Variants in GALNTL6 observed in about 807,000 individuals in gnomAD.
GALNTL6 encodes polypeptide N-acetylgalactosaminyltransferase-like 6.
A neutral mutation model predicts 73.7 loss-of-function variants in GALNTL6; 46 were observed. That is an observed-to-expected ratio of 0.62 (90% confidence interval 0.49 to 0.80). The LOEUF (loss-of-function observed/expected upper bound fraction) is 0.80. GALNTL6 is among the 30% of genes least tolerant of loss of function. GALNTL6 has a pLI of 0.00. For synonymous variants in GALNTL6, 259 were observed against 263.7 expected (o/e 0.98, Z 0.17); for missense variants, 604 against 755.0 (o/e 0.80, Z 2.34).
At chr4:172,064,076 A>G (rs185309449) in intron 2 of GALNTL6, among the ~76,000 whole-genome samples, 2 of 152,316 alleles carry the variant, frequency 1.3e-5, no homozygotes, top group African/African-American at 4.8e-5. Context: ...TTTTTGAAAC[A>G]CATATTCCTG....
rs1254590951 is a variant in GALNTL6 at position 172,511,334 on chromosome 4, T to C, written c.553+162645T>C. ...TTGCGCTTATTTGGATCTTCTCTTT[T>C]CTTTCGTTGGTTAATCTCACTAACG... On this transcript the variant is annotated intron_variant, in intron 5 of 12. Transcript: ENST00000506823. 3.6e-5 allele frequency among the ~76,000 whole-genome samples: 2 copies of C among 55,566 alleles called. 1 individual carries two copies. Among genetic ancestry groups the C allele is most frequent in the Non-Finnish European group, 8.3e-5 (2 of 23,990 alleles). 36.5% of individuals were successfully genotyped at this position (55,566 alleles called of 152,430 possible). A position where few individuals can be genotyped will look rare whatever the true frequency, so the allele number is the denominator to read the frequency against.
chr4:172,641,216 T>C (rs905137591), intron 5 of GALNTL6, among the ~76,000 whole-genome samples: 2 of 152,118 alleles, frequency 1.3e-5, no homozygotes, highest in African/African-American at 4.8e-5. Context: ...TCTTGCTTCT[T>C]TGTAGTCCAT....
rs1456078394 is a variant in GALNTL6 at position 172,071,443 on chromosome 4, G to T, written c.139-158213G>T. Reference sequence around the variant, plus strand: ...TCCTGTCAGAACCCCTGTGTCTTACGTTAGCTTGTCTCATGTTCCTTGTAC... The same window carrying T: ...TCCTGTCAGAACCCCTGTGTCTTACTTTAGCTTGTCTCATGTTCCTTGTAC... On this transcript the variant is annotated intron_variant, in intron 2 of 12. Coordinates refer to ENST00000506823, the MANE Select transcript of GALNTL6 (RefSeq NM_001034845.3). Among the ~76,000 whole-genome samples the T allele has an allele frequency of 1.8e-5, 2 of 110,202 alleles. 1 individual carries two copies. The highest frequency in any genetic ancestry group is 6.8e-5 in the African/African-American group (2 of 29,268). 72.3% of individuals were successfully genotyped at this position (110,202 alleles called of 152,430 possible). A position where few individuals can be genotyped will look rare whatever the true frequency, so the allele number is the denominator to read the frequency against.
chr4:172,499,054 C>T (rs1734169250), intron 5 of GALNTL6, among the ~76,000 whole-genome samples: 1 of 152,098 alleles, frequency 6.6e-6, no homozygotes, highest in African/African-American at 2.4e-5. Context: ...TCCACCAAAC[C>T]CGCCCACCTA....
At chr4:171,903,167 G>C (rs569264368) in intron 2 of GALNTL6, among the ~76,000 whole-genome samples, 2 of 152,080 alleles carry the variant, frequency 1.3e-5, no homozygotes, top group Admixed American at 6.5e-5. Context: ...GAACAGCTCC[G>C]GTCTGCAGCT....
chr4:172,300,180 C>G (rs1428294594), intron 3 of GALNTL6, among the ~76,000 whole-genome samples: 1 of 152,096 alleles, frequency 6.6e-6, no homozygotes, highest in African/African-American at 2.4e-5. Flanking sequence ...TTATCAGAGA[C>G]TAGGATTGCA....
At chr4:171,900,583 G>C (rs950003903) in intron 2 of GALNTL6, among the ~76,000 whole-genome samples, 3 of 151,842 alleles carry the variant, frequency 2.0e-5, no homozygotes, top group African/African-American at 7.3e-5. Flanking sequence ...TTCCCAAAGA[G>C]CTGGGATTAC....
At chr4:172,414,262 C>A (rs1464707029) in intron 5 of GALNTL6, among the ~76,000 whole-genome samples, 6 of 152,008 alleles carry the variant, frequency 3.9e-5, no homozygotes, top group Non-Finnish European at 8.8e-5. Flanking sequence ...TTCTCATTTA[C>A]AAAAATAAGG....
At chr4:172,914,262 A>G (rs1024273656) in intron 8 of GALNTL6, among the ~76,000 whole-genome samples, 18 of 152,222 alleles carry the variant, frequency 1.2e-4, no homozygotes, top group Admixed American at 1.2e-3. Flanking sequence ...TAAACATGGA[A>G]AGGAACAACT....
At chr4:172,104,235 G>A (rs1041620953) in intron 2 of GALNTL6, among the ~76,000 whole-genome samples, 22 of 152,298 alleles carry the variant, frequency 1.4e-4, no homozygotes, top group African/African-American at 5.1e-4. Flanking sequence ...GAGCCACCGT[G>A]CCCGGCCTGG....
intron 7 of GALNTL6, among the ~76,000 whole-genome samples, chr4:172,851,322 T>C (rs1162513614): frequency 6.6e-6 from 1 of 152,048 alleles, no homozygotes; most frequent in Non-Finnish European, 1.5e-5. Flanking sequence ...AGCACCCTTA[T>C]GGCTCAGGAA....
At chr4:172,470,507 A>G (rs529552569) in intron 5 of GALNTL6, among the ~76,000 whole-genome samples, 20 of 152,302 alleles carry the variant, frequency 1.3e-4, no homozygotes, top group Non-Finnish European at 2.2e-4. Flanking sequence ...CTTATAATAA[A>G]AAGGACTTCC....
At chr4:172,346,169 C>G (rs1266841206) in intron 4 of GALNTL6, among the ~76,000 whole-genome samples, 1 of 152,082 alleles carries the variant, frequency 6.6e-6, no homozygotes, top group Non-Finnish European at 1.5e-5. Context: ...GTTCCTCCAG[C>G]AAAATAGATT....
chr4:172,125,700 A>T (rs995317228), intron 2 of GALNTL6, among the ~76,000 whole-genome samples: 1 of 152,182 alleles, frequency 6.6e-6, no homozygotes, highest in African/African-American at 2.4e-5. Flanking sequence ...TGACTTTAGG[A>T]CAAAAATTTA....
chr4:171,885,603 T>C (rs1736586659), intron 2 of GALNTL6, among the ~76,000 whole-genome samples: 2 of 152,072 alleles, frequency 1.3e-5, no homozygotes, highest in Non-Finnish European at 2.9e-5. Context: ...CCTTGGAGTT[T>C]GGGAGCAGTC....
chr4:171,937,509 C>G (rs957586083), intron 2 of GALNTL6, among the ~76,000 whole-genome samples: 1 of 152,006 alleles, frequency 6.6e-6, no homozygotes. Flanking sequence ...ATGTGATATA[C>G]GTACACAGAA....
intron 2 of GALNTL6, among the ~76,000 whole-genome samples, chr4:172,202,649 G>C (rs1284619247): frequency 6.6e-6 from 1 of 152,106 alleles, no homozygotes; most frequent in Non-Finnish European, 1.5e-5. Context: ...AGTGTGGTCT[G>C]TGATTACCAT....
chr4:172,397,140 G>A (rs780412430), intron 5 of GALNTL6, among the ~76,000 whole-genome samples: 3 of 152,132 alleles, frequency 2.0e-5, no homozygotes, highest in East Asian at 1.9e-4. Flanking sequence ...ATGCTTGTGC[G>A]TGAATCTTAG....
At chr4:172,868,712 C>T (rs564310565) in intron 7 of GALNTL6, among the ~76,000 whole-genome samples, 8 of 152,306 alleles carry the variant, frequency 5.3e-5, no homozygotes, top group South Asian at 2.1e-4. Context: ...GCTGGGCACC[C>T]GTGGGACCCA....
Sources: gnomAD v4.1 joint callset for allele counts (sites outside exome capture counted in the v4.1 genomes callset) on GRCh38, gnomAD v4.1.1 for gene constraint, MANE v1.5 for transcripts, NCBI Gene and HGNC (gene_info 2026-07-23, HGNC 2026-07-21) for gene names.